The following ANOS1 variants were observed in gnomAD, a reference collection of about 807,000 sequenced individuals.
ANOS1 encodes the protein anosmin-1.
ANOS1 carries 6 observed loss-of-function variants against 59.0 expected under a neutral mutation model. That is an observed-to-expected ratio of 0.10 (90% CI 0.06 to 0.20). ANOS1 has a LOEUF of 0.20. ANOS1 is among the 10% of genes least tolerant of loss of function. The pLI is 1.00. For missense variants in ANOS1, 433 were observed against 542.3 expected (o/e 0.80, Z 2.00); for synonymous variants, 217 against 223.4 (o/e 0.97, Z 0.25).
Position 8,536,188 on chromosome X carries a change from C to CTTTTT in ANOS1, c.1622-382_1622-378dup, listed in dbSNP as rs1304219147. Among the ~76,000 whole-genome samples the CTTTTT allele has an allele frequency of 2.7e-3, 86 of 31,886 alleles. 16 individuals are homozygous for CTTTTT. Among genetic ancestry groups the CTTTTT allele is most frequent in the African/African-American group, 8.4e-3 (75 of 8,886 alleles). The allele number at this position is 31,886 out of a possible 115,157, so 27.7% of individuals were successfully genotyped here. On this transcript the variant is annotated intron_variant, in intron 11 of 13. Transcript: ENST00000262648. ...GTTAGAAGAGTTATTAAATCCGAAGCTTTTTTTTTTTTTTTTTTTTTTTTT... is the reference window on the plus strand; with the variant it reads ...GTTAGAAGAGTTATTAAATCCGAAGCTTTTTTTTTTTTTTTTTTTTTTTTTTTTTT...
chrX:8,651,257 C>G (rs1308942379), intron 2 of ANOS1, among the ~76,000 whole-genome samples: 1 of 112,576 alleles, frequency 8.9e-6, no homozygotes, highest in East Asian at 2.8e-4. Flanking sequence ...TGATCAAAAG[C>G]AGATGGCCTT....
At chrX:8,660,977 C>T (rs1327906734) in intron 2 of ANOS1, among the ~76,000 whole-genome samples, 1 of 111,443 alleles carries the variant, frequency 9.0e-6, no homozygotes, top group African/African-American at 3.3e-5. Context: ...GGTCAGTTTT[C>T]TAGAAATGCC....
intron 2 of ANOS1, among the ~76,000 whole-genome samples, chrX:8,642,409 T>G (rs866996214): frequency 2.9e-5 from 3 of 104,370 alleles, no homozygotes; most frequent in Non-Finnish European, 5.7e-5. Flanking sequence ...GGGATTTTTT[T>G]GGGGGTAGTG....
chrX:8,713,457 G>C (rs907442685), intron 1 of ANOS1, among the ~76,000 whole-genome samples: 1 of 111,139 alleles, frequency 9.0e-6, no homozygotes, highest in South Asian at 3.8e-4. Context: ...TACACTCGTA[G>C]AATCAAAACT....
chrX:8,654,538 C>A (rs1326908946), intron 2 of ANOS1, among the ~76,000 whole-genome samples: 1 of 112,345 alleles, frequency 8.9e-6, no homozygotes, highest in Non-Finnish European at 1.9e-5. Flanking sequence ...GCTTTCATCT[C>A]CGTTTTATTC....
intron 9 of ANOS1, among the ~76,000 whole-genome samples, chrX:8,552,756 TATGA>T (rs1488052953): frequency 6.3e-5 from 7 of 110,607 alleles, no homozygotes; most frequent in Non-Finnish European, 1.3e-4. Context: ...ATTTTTTAAA[TATGA>T]ATATGTTGAT....
intron 3 of ANOS1, among the ~76,000 whole-genome samples, chrX:8,615,774 C>T (rs1008594177): frequency 5.4e-5 from 6 of 110,656 alleles, no homozygotes; most frequent in Non-Finnish European, 9.4e-5. Context: ...CTCATGTATC[C>T]ATGAATTCTC....
chrX:8,724,822 T>C (rs1932899746), intron 1 of ANOS1, among the ~76,000 whole-genome samples: 1 of 112,263 alleles, frequency 8.9e-6, no homozygotes, highest in African/African-American at 3.2e-5. Context: ...ATGTCATAAC[T>C]ATTCATTTTA....
At chrX:8,662,161 C>G (rs186901023) in intron 2 of ANOS1, among the ~76,000 whole-genome samples, 1 of 111,637 alleles carries the variant, frequency 9.0e-6, no homozygotes, top group African/African-American at 3.3e-5. Context: ...CAGCTCTGCT[C>G]TTAATGCAGG....
chrX:8,667,896 G>C lies in ANOS1; in HGVS notation c.255+31802C>G, dbSNP rs191637897. 5.8e-3 allele frequency among the ~76,000 whole-genome samples: 650 copies of C among 111,435 alleles called. 2 individuals carry two copies. Among genetic ancestry groups the C allele is most frequent in the Non-Finnish European group, 9.4e-3 (501 of 53,066 alleles). ...TTGTAGAGCCAGATGGACTGGATTA[G>C]AATCTTGTCACTCTTGCCTTCCCCA... On this transcript the variant is annotated intron_variant, in intron 2 of 13. Transcript: ENST00000262648.
Position 8,610,040 on chromosome X carries a change from A to AAAAAAAC in ANOS1, c.319-12785_319-12784insGTTTTTT, listed in dbSNP as rs1569062444. 6.5e-5 allele frequency among the ~76,000 whole-genome samples: 3 copies of AAAAAAAC among 45,998 alleles called. 1 individual carries two copies. The highest frequency in any genetic ancestry group is 2.6e-4 in the African/African-American group (3 of 11,737). The allele number at this position is 45,998 out of a possible 115,157, so 39.9% of individuals were successfully genotyped here. On this transcript the variant is annotated intron_variant, in intron 3 of 13. Coordinates refer to ENST00000262648, the MANE Select transcript of ANOS1 (RefSeq NM_000216.4). ...AAAAAAAAAAAAAAAAAAAAACAAC[A>AAAAAAAC]ACCTTTAAAGAGCACCCATTTTTCT...
Position 8,594,972 on chromosome X carries a change from G to A in ANOS1, c.541+2062C>T, listed in dbSNP as rs186313903. 8.4e-3 allele frequency among the ~76,000 whole-genome samples: 899 copies of A among 107,308 alleles called. 18 individuals are homozygous for A. The highest frequency in any genetic ancestry group is 0.029 in the African/African-American group (848 of 29,663). 93.2% of individuals were successfully genotyped at this position (107,308 alleles called of 115,157 possible). The stretch of plus-strand genomic sequence containing the variant: ...AAAAGTTCACCTGGTTTCGTTAAAC[G>A]TAGTTTTACATTGAAAGTGTCTTTG... On this transcript the variant is annotated intron_variant, in intron 4 of 13. Transcript: ENST00000262648.
chrX:8,577,305 T>C (rs1235350593), intron 6 of ANOS1, among the ~76,000 whole-genome samples: 1 of 111,694 alleles, frequency 9.0e-6, no homozygotes, highest in Non-Finnish European at 1.9e-5. Context: ...AGAGTTTGAT[T>C]TACTACCTCT....
At position 8,548,010 on chromosome X, in the gene ANOS1, T is replaced by C. The variant is rs191502230; in HGVS notation, c.1354+5942A>G. ...GATTACAGGCGTGAGCCACCGCGCC[T>C]GGCCAATTCAAAGTTTTAAAACTTC... On this transcript the variant is annotated intron_variant, in intron 9 of 13. Transcript: ENST00000262648. 1.4e-3 allele frequency among the ~76,000 whole-genome samples: 157 copies of C among 112,360 alleles called. 1 individual carries two copies. The highest frequency in any genetic ancestry group is 1.2e-3 in the Non-Finnish European group (63 of 53,245).
intron 1 of ANOS1, among the ~76,000 whole-genome samples, chrX:8,719,660 C>T (rs1163812125): frequency 2.7e-5 from 3 of 111,837 alleles, no homozygotes; most frequent in African/African-American, 9.8e-5. Context: ...GGATTACAAG[C>T]GAGAGCCACC....
At chrX:8,617,391 T>G (rs188297725) in intron 3 of ANOS1, among the ~76,000 whole-genome samples, 1 of 112,303 alleles carries the variant, frequency 8.9e-6, no homozygotes, top group East Asian at 2.8e-4. Context: ...TTTTACTTTC[T>G]GAGGTCTCTT....
chrX:8,561,849 T>C (rs918801083), intron 8 of ANOS1, among the ~76,000 whole-genome samples: 1 of 111,930 alleles, frequency 8.9e-6, no homozygotes, highest in Non-Finnish European at 1.9e-5. Context: ...TTTAGATAGA[T>C]ACTGTGTTTA....
intron 2 of ANOS1, among the ~76,000 whole-genome samples, chrX:8,669,405 G>C (rs761758612): frequency 1.1e-3 from 126 of 111,420 alleles, no homozygotes; most frequent in African/African-American, 3.9e-3. Context: ...TGTATCGATA[G>C]TAATCCATCA....
intron 1 of ANOS1, among the ~76,000 whole-genome samples, chrX:8,724,176 T>C (rs1455975235): frequency 8.9e-6 from 1 of 112,411 alleles, no homozygotes; most frequent in Non-Finnish European, 1.9e-5. Flanking sequence ...TATTTTTACT[T>C]ATTCTACCTA....
Sources: gnomAD v4.1 joint callset for allele counts (sites outside exome capture counted in the v4.1 genomes callset) on GRCh38, gnomAD v4.1.1 for gene constraint, MANE v1.5 for transcripts, NCBI Gene and HGNC (gene_info 2026-07-23, HGNC 2026-07-21) for gene names.